Variants in SPAG16 observed in about 807,000 individuals in gnomAD.
The protein encoded by SPAG16 is sperm associated antigen 16, also known as sperm-associated antigen 16 protein.
SPAG16 carries 86 observed loss-of-function variants against 80.4 expected under a neutral mutation model. The observed-to-expected ratio is 1.07, with a 90% CI of 0.90 to 1.28. The LOEUF is 1.28. Ranked by LOEUF, SPAG16 falls within the 50% of genes most tolerant of loss-of-function variation. The pLI, the probability that SPAG16 is intolerant of heterozygous loss-of-function variation, is 0.00. For synonymous variants in SPAG16, 294 were observed against 265.9 expected (o/e 1.11, Z -1.03); for missense variants, 870 against 765.3 (o/e 1.14, Z -1.61).
At position 214,319,200 on chromosome 2, in the gene SPAG16, C is replaced by CACCACACA. The variant is rs140486125; in HGVS notation, c.1721-90940_1721-90939insACCACACA. On this transcript the variant is annotated intron_variant, in intron 15 of 15. Coordinates refer to ENST00000331683, the MANE Select transcript of SPAG16 (RefSeq NM_024532.5). ...CCTAATAAACTTGCACACACACACA[C>CACCACACA]CACACACACACACACACACACACAA... Among the ~76,000 whole-genome samples the CACCACACA allele has an allele frequency of 1.8e-3, 257 of 142,334 alleles. 2 individuals are homozygous for CACCACACA. The highest frequency in any genetic ancestry group is 6.5e-3 in the African/African-American group (249 of 38,130). The allele number at this position is 142,334 out of a possible 152,430, so 93.4% of individuals were successfully genotyped here.
At chr2:214,021,126 G>T (rs1191886510) in intron 13 of SPAG16, among the ~76,000 whole-genome samples, 1 of 152,078 alleles carries the variant, frequency 6.6e-6, no homozygotes, top group South Asian at 2.1e-4. Context: ...GGGAGAAAAA[G>T]CATAACACAT....
chr2:213,987,672 C>T (rs1382758575), intron 12 of SPAG16, among the ~76,000 whole-genome samples: 1 of 151,670 alleles, frequency 6.6e-6, no homozygotes, highest in African/African-American at 2.4e-5. Context: ...ATATATTTGG[C>T]ACTGTGATGA....
intron 5 of SPAG16, among the ~76,000 whole-genome samples, chr2:213,334,624 C>T (rs144448427): frequency 2.6e-5 from 4 of 152,090 alleles, no homozygotes; most frequent in African/African-American, 9.7e-5. Flanking sequence ...ACTGTTCAAC[C>T]GTAAAAATGA....
chr2:214,195,946 A>T (rs1180838757), intron 15 of SPAG16, among the ~76,000 whole-genome samples: 3 of 152,018 alleles, frequency 2.0e-5, no homozygotes, highest in Non-Finnish European at 4.4e-5. Context: ...AATGCCCAGG[A>T]CTGAGCCAGA....
intron 15 of SPAG16, among the ~76,000 whole-genome samples, chr2:214,349,120 G>T (rs970778711): frequency 6.6e-6 from 1 of 151,942 alleles, no homozygotes; most frequent in Admixed American, 6.6e-5. Flanking sequence ...CTTTGCTTTT[G>T]CATGGCACCT....
intron 10 of SPAG16, among the ~76,000 whole-genome samples, chr2:213,661,234 A>C (rs1393968026): frequency 6.6e-6 from 1 of 152,222 alleles, no homozygotes; most frequent in Non-Finnish European, 1.5e-5. Context: ...TTTGTAGAAT[A>C]TGCCTCCATA....
chr2:213,528,068 T>C (rs985864781), intron 10 of SPAG16, among the ~76,000 whole-genome samples: 2 of 152,046 alleles, frequency 1.3e-5, no homozygotes, highest in Admixed American at 1.3e-4. Context: ...TGATAGACCA[T>C]AGACTTTGAA....
chr2:213,815,659 C>T (rs1367833893), intron 10 of SPAG16, among the ~76,000 whole-genome samples: 3 of 152,004 alleles, frequency 2.0e-5, no homozygotes, highest in South Asian at 4.2e-4. Flanking sequence ...TGTATGAAAG[C>T]CTTGTCCTTC....
At chr2:214,269,918 G>A (rs1192718114) in intron 15 of SPAG16, among the ~76,000 whole-genome samples, 1 of 151,890 alleles carries the variant, frequency 6.6e-6, no homozygotes, top group Non-Finnish European at 1.5e-5. Context: ...TTGCTTAAAG[G>A]CAAATGTTAT....
chr2:213,829,358 G>A (rs868861358), intron 10 of SPAG16, among the ~76,000 whole-genome samples: 6 of 152,060 alleles, frequency 3.9e-5, no homozygotes, highest in Non-Finnish European at 7.4e-5. Context: ...TAAGCCTGTG[G>A]TGAATGCTGC....
intron 15 of SPAG16, among the ~76,000 whole-genome samples, chr2:214,269,167 G>T (rs1691809147): frequency 6.6e-6 from 1 of 151,936 alleles, no homozygotes; most frequent in Admixed American, 6.6e-5. Context: ...GTTTAAACAT[G>T]AAAATCCAAA....
intron 15 of SPAG16, among the ~76,000 whole-genome samples, chr2:214,348,702 C>A (rs1006608552): frequency 1.3e-5 from 2 of 152,052 alleles, no homozygotes; most frequent in African/African-American, 4.8e-5. Context: ...TGTCTCAGAC[C>A]CTCCACACCA....
chr2:214,205,007 T>A (rs187039239), intron 15 of SPAG16, among the ~76,000 whole-genome samples: 9 of 152,214 alleles, frequency 5.9e-5, no homozygotes, highest in African/African-American at 2.2e-4. Context: ...GGCAGGTGGA[T>A]CACTTGAGAC....
intron 12 of SPAG16, among the ~76,000 whole-genome samples, chr2:213,996,935 A>G (rs2046548795): frequency 6.6e-6 from 1 of 152,080 alleles, no homozygotes; most frequent in Non-Finnish European, 1.5e-5. Flanking sequence ...TGTTTTTTAA[A>G]TATTTTTTCT....
At chr2:213,762,229 G>A (rs1313529255) in intron 10 of SPAG16, among the ~76,000 whole-genome samples, 2 of 152,188 alleles carry the variant, frequency 1.3e-5, no homozygotes, top group East Asian at 1.9e-4. Context: ...AGGAGTTACT[G>A]TTTAAGGGGA....
chr2:213,293,926 A>G (rs2062397544), intron 1 of SPAG16, among the ~76,000 whole-genome samples: 1 of 152,118 alleles, frequency 6.6e-6, no homozygotes, highest in Non-Finnish European at 1.5e-5. Flanking sequence ...CTTTTATATT[A>G]CTTGTGGTGA....
intron 15 of SPAG16, among the ~76,000 whole-genome samples, chr2:214,384,245 ACT>A (rs1362568515): frequency 1.6e-4 from 24 of 152,348 alleles, no homozygotes; most frequent in Admixed American, 1.5e-3. Context: ...GCCTATCTGC[ACT>A]GTTTGTTATA....
chr2:213,982,610 G>GGTGTGT (rs57529616), intron 12 of SPAG16, among the ~76,000 whole-genome samples: 18,889 of 141,682 alleles, frequency 0.13, 1,399 homozygotes, highest in South Asian at 0.31. Context: ...TATAGTTTCT[G>GGTGTGT]GTGTGTGTGT....
chr2:213,911,229 T>G (rs954978411), intron 11 of SPAG16, among the ~76,000 whole-genome samples: 1 of 152,206 alleles, frequency 6.6e-6, no homozygotes, highest in Non-Finnish European at 1.5e-5. Flanking sequence ...CACTGCAACT[T>G]CCACCTCCCG....
Sources: allele counts gnomAD v4.1 joint callset (sites outside exome capture counted in the v4.1 genomes callset), GRCh38; gene constraint gnomAD v4.1.1; transcripts MANE v1.5; gene names NCBI Gene and HGNC (gene_info 2026-07-23, HGNC 2026-07-21).